Variants in LRRC59 observed in about 807,000 individuals in gnomAD.
LRRC59 encodes the protein leucine-rich repeat-containing protein 59.
In LRRC59, 18 loss-of-function variants were observed where a neutral mutation model predicts 33.5. The observed-to-expected ratio is 0.54, with a 90% CI of 0.37 to 0.80. LRRC59 has a LOEUF of 0.80. LRRC59 is among the 30% of genes least tolerant of loss of function. The pLI, the probability that LRRC59 is intolerant of heterozygous loss-of-function variation, is 0.00. For synonymous variants in LRRC59, 138 were observed against 160.0 expected (o/e 0.86, Z 1.04); for missense variants, 330 against 391.9 (o/e 0.84, Z 1.33).
At chr17:50,388,879 C>A (rs1019992157) in intron 4 of LRRC59, among the ~76,000 whole-genome samples, 4 of 152,142 alleles carry the variant, frequency 2.6e-5, no homozygotes, top group Non-Finnish European at 5.9e-5. Context: ...CTACTTGCTA[C>A]CTATCTGGCT....
At chr17:50,392,560 C>T in intron 3 of LRRC59, 58 bp from the exon 4 acceptor site, 1 of 1,499,050 alleles carries the variant, frequency 6.7e-7, no homozygotes, top group South Asian at 1.1e-5. Flanking sequence ...CATACATAGT[C>T]CCTCAGGGTG....
chr17:50,390,558 G>A (rs1407741986), intron 4 of LRRC59, among the ~76,000 whole-genome samples: 1 of 152,158 alleles, frequency 6.6e-6, no homozygotes, highest in East Asian at 1.9e-4. Context: ...GTCATAGTCT[G>A]GAGTCTGTGA....
intron 4 of LRRC59, among the ~76,000 whole-genome samples, chr17:50,390,193 G>A (rs373587593): frequency 3.7e-4 from 56 of 151,934 alleles, no homozygotes; most frequent in Admixed American, 5.9e-4. Context: ...TATGGGTCCC[G>A]TTGCCATGAT....
rs143159492 is a variant in LRRC59, at chr17:50,383,052, G to A, written c.860C>T (p.Ala287Val). 233 of 1,612,728 alleles carry A rather than the reference G, an allele frequency of 1.4e-4. 1 individual carries two copies. The highest frequency in any genetic ancestry group is 3.1e-4 in the East Asian group (14 of 44,870). Residue 287 changes from alanine to valine, a missense_variant, in exon 7 of 7, where the codon GCG becomes GTG. Coordinates refer to ENST00000225972, the MANE Select transcript of LRRC59 (RefSeq NM_018509.4). ...CTCATGGCGGCGTAGACCCTGGACC[G>A]CATTGTCATAGATGGTGTTCACGCT... ...CTSVNTIYDN[A>V]VQGLRRHEIL...
intron 4 of LRRC59, among the ~76,000 whole-genome samples, chr17:50,391,157 T>C (rs561664841): frequency 6.6e-5 from 10 of 152,220 alleles, no homozygotes; most frequent in Non-Finnish European, 1.0e-4. Context: ...CAATGGTAGC[T>C]ACTGTCAGCT....
Position 50,382,917 on chromosome 17 carries a change from T to G in LRRC59, c.*71A>C, listed in dbSNP as rs1913902755. On this transcript the variant is annotated 3_prime_UTR_variant, in exon 7 of 7. Transcript: ENST00000225972. ...TAGGTCTGATGCTAAAAAGAGGTTG[T>G]GTCCAGCAGAACCCAATTCCATAGG... The G allele has an allele frequency of 6.4e-6, 10 of 1,557,940 alleles. No homozygotes were observed. The highest frequency in any genetic ancestry group is 8.7e-6 in the Non-Finnish European group (10 of 1,149,310).
rs554071145 is a variant in LRRC59 at position 50,397,445 on chromosome 17, G to A, written c.-128C>T. ...CTGAGCCCTCCGTCGCCGCCGATGCGAGACCGCCTCCGCCCGCTGGCCGCA... is the reference window on the plus strand; with the variant it reads ...CTGAGCCCTCCGTCGCCGCCGATGCAAGACCGCCTCCGCCCGCTGGCCGCA... On this transcript the variant is annotated 5_prime_UTR_variant, in exon 1 of 7. Transcript: ENST00000225972. The A allele has an allele frequency of 4.2e-5, 25 of 599,936 alleles. No homozygotes were observed. The East Asian group carries it at 7.6e-4, about 18-fold the overall frequency. The allele number at this position is 599,936 out of a possible 1,614,324, so 37.2% of individuals were successfully genotyped here. A position where few individuals can be genotyped will look rare whatever the true frequency, so the allele number is the denominator to read the frequency against.
chr17:50,382,408 G>C lies in LRRC59; in HGVS notation c.*580C>G, dbSNP rs541503522. ...ATGGAAGACCTCAGTTTCTCTGTCT[G>C]CAAGTGTTATATTGGACTGGATGGT... On this transcript the variant is annotated 3_prime_UTR_variant, in exon 7 of 7. Coordinates refer to ENST00000225972, the MANE Select transcript of LRRC59 (RefSeq NM_018509.4). The C allele has an allele frequency of 5.2e-5, 8 of 152,842 alleles. No homozygotes were observed. Among genetic ancestry groups the C allele is most frequent in the Admixed American group, 1.3e-4 (2 of 15,376 alleles). 9.5% of individuals were successfully genotyped at this position (152,842 alleles called of 1,614,324 possible).
chr17:50,394,340 C>T (rs916711558), intron 2 of LRRC59, among the ~76,000 whole-genome samples: 11 of 152,126 alleles, frequency 7.2e-5, no homozygotes, highest in African/African-American at 2.4e-4. Context: ...CCACTGTCTA[C>T]ACAGGTGGAG....
In LRRC59 at chr17:50,381,493, AGT is replaced by A. The variant is rs751858584; in HGVS notation, c.*1493_*1494del. ...TTGGAGGAAGACTAAAGGAATGTGT[AGT>A]GATTCTGAGTAAGATGTAGACCTAC... On this transcript the variant is annotated 3_prime_UTR_variant, in exon 7 of 7. Coordinates refer to ENST00000225972, the MANE Select transcript of LRRC59 (RefSeq NM_018509.4). The A allele has an allele frequency of 4.5e-5, 7 of 156,090 alleles. No individual in the cohort carries two copies. The highest frequency in any genetic ancestry group is 7.1e-5 in the Non-Finnish European group (5 of 70,052). 9.7% of individuals were successfully genotyped at this position (156,090 alleles called of 1,614,324 possible). A position where few individuals can be genotyped will look rare whatever the true frequency, so the allele number is the denominator to read the frequency against.
chr17:50,382,717 TTC>T lies in LRRC59; in HGVS notation c.*269_*270del, dbSNP rs1319279838. 3 of 491,558 alleles carry T rather than the reference TTC, an allele frequency of 6.1e-6. No homozygotes were observed. Among genetic ancestry groups the T allele is most frequent in the Non-Finnish European group, 1.1e-5 (3 of 275,000 alleles). The allele number at this position is 491,558 out of a possible 1,614,324, so 30.4% of individuals were successfully genotyped here. On this transcript the variant is annotated 3_prime_UTR_variant, in exon 7 of 7. Coordinates refer to ENST00000225972, the MANE Select transcript of LRRC59 (RefSeq NM_018509.4). ...TATAACAACTAGAAAAGGCTATGTTTTCTCTCTCCCCACCCCCAAGCCTACTC... is the reference window on the plus strand; with the variant it reads ...TATAACAACTAGAAAAGGCTATGTTTTCTCTCCCCACCCCCAAGCCTACTC...
chr17:50,385,901 G>GAA (rs1018087289), intron 5 of LRRC59, among the ~76,000 whole-genome samples: 2 of 151,936 alleles, frequency 1.3e-5, no homozygotes, highest in African/African-American at 4.8e-5. Context: ...ATAAAAAAAC[G>GAA]AAAAAATTAG....
In LRRC59 at chr17:50,392,721, T is replaced by C. The variant is rs912895562; in HGVS notation, c.324+18A>G. On this transcript the variant is annotated intron_variant, in intron 3 of 6. Transcript: ENST00000225972. ...CTCTGCCACCCTGGCCATGAAACACTGGTTCATGAATTGTTACCTTGAGCT... is the reference window on the plus strand; with the variant it reads ...CTCTGCCACCCTGGCCATGAAACACCGGTTCATGAATTGTTACCTTGAGCT... 2.5e-6 allele frequency: 4 copies of C among 1,610,826 alleles called. No homozygotes were observed. The African/African-American group carries it at 5.3e-5, about 22-fold the overall frequency.
intron 6 of LRRC59, among the ~76,000 whole-genome samples, chr17:50,384,483 T>C (rs1415839677): frequency 1.3e-5 from 2 of 152,092 alleles, no homozygotes; most frequent in Non-Finnish European, 2.9e-5. Flanking sequence ...AAGAGTAAAC[T>C]TGCCGGGCAC....
intron 4 of LRRC59, among the ~76,000 whole-genome samples, chr17:50,390,097 CAAAAAAAAA>C (rs57027679): frequency 1.2e-5 from 1 of 85,294 alleles, no homozygotes; most frequent in Non-Finnish European, 2.3e-5. Flanking sequence ...GACTCTGTCT[CAAAAAAAAA>C]AAAAAAAAAA....
chr17:50,384,145 G>C (rs1474723657), intron 6 of LRRC59, among the ~76,000 whole-genome samples: 1 of 151,842 alleles, frequency 6.6e-6, no homozygotes, highest in Non-Finnish European at 1.5e-5. Flanking sequence ...TTCAACCATA[G>C]TCAGGTAAAA....
chr17:50,390,424 G>C (rs1034859414), intron 4 of LRRC59, among the ~76,000 whole-genome samples: 11 of 151,826 alleles, frequency 7.2e-5, no homozygotes, highest in African/African-American at 2.7e-4. Context: ...CCCGGGAGGC[G>C]CAGGTTGCAG....
intron 4 of LRRC59, among the ~76,000 whole-genome samples, chr17:50,389,164 G>A (rs912011176): frequency 8.5e-5 from 13 of 152,252 alleles, no homozygotes; most frequent in African/African-American, 3.1e-4. Flanking sequence ...ACATGCAGAG[G>A]AGAGCTCCGA....
At position 50,397,244 on chromosome 17, in the gene LRRC59, C is replaced by A. The variant is rs768345535; in HGVS notation, c.74G>T (p.Ser25Ile). ...CTTCACCGGGACCTCATTCAGGTCG[C>A]TGAGGCTCAGGTCCAGTTCGTTGCC... ...LDGNELDLSL[S>I]DLNEVPVKEL... Residue 25 changes from serine (S) to isoleucine (I), a missense_variant, in exon 1 of 7, where the codon AGC becomes ATC. By Grantham distance (142) the Ser-to-Ile change is moderately radical (BLOSUM62 -2). Transcript: ENST00000225972. The A allele has an allele frequency of 6.2e-7, 1 of 1,605,990 alleles. No homozygotes were observed. Among genetic ancestry groups the A allele is most frequent in the Non-Finnish European group, 8.5e-7 (1 of 1,176,796 alleles).
Sources: allele counts gnomAD v4.1 joint callset (sites outside exome capture counted in the v4.1 genomes callset), GRCh38; gene constraint gnomAD v4.1.1; transcripts MANE v1.5; gene names NCBI Gene and HGNC (gene_info 2026-07-23, HGNC 2026-07-21).